DIP2A: variants seen among roughly 807,000 people sequenced by gnomAD.
DIP2A encodes the protein disco-interacting protein 2 homolog A.
Under a neutral mutation model 177.4 loss-of-function variants are expected in DIP2A, and 85 were observed. The ratio of observed to expected loss-of-function variants is 0.48; its 90% confidence interval spans 0.40 to 0.57. The LOEUF (loss-of-function observed/expected upper bound fraction) is 0.57. DIP2A is among the 20% of genes least tolerant of loss of function. The pLI is 0.00. For synonymous variants in DIP2A, 886 were observed against 881.8 expected (o/e 1.00, Z -0.08); for missense variants, 1,791 against 2,100.2 (o/e 0.85, Z 2.88).
chr21:46,513,400 T>A (rs766322833), intron 8 of DIP2A, among the ~76,000 whole-genome samples: 10 of 152,062 alleles, frequency 6.6e-5, no homozygotes, highest in Non-Finnish European at 1.3e-4. Context: ...TGTTATATAG[T>A]GGGTGAAAAA....
chr21:46,519,855 A>ATTT lies in DIP2A; in HGVS notation c.1102+8276_1102+8278dup, dbSNP rs59574579. 3.8e-3 allele frequency among the ~76,000 whole-genome samples: 201 copies of ATTT among 53,018 alleles called. 66 individuals are homozygous for ATTT. Among genetic ancestry groups the ATTT allele is most frequent in the African/African-American group, 7.4e-3 (85 of 11,478 alleles). 34.8% of individuals were successfully genotyped at this position (53,018 alleles called of 152,430 possible). On this transcript the variant is annotated intron_variant, in intron 8 of 37. Transcript: ENST00000417564. ...GCCCAGAATTAGAATATTGATCTAG[A>ATTT]TTTTTTTTTTTTTTTTTTTTTTTTT...
chr21:46,475,203 A>G (rs952058269), intron 1 of DIP2A, among the ~76,000 whole-genome samples: 1 of 152,262 alleles, frequency 6.6e-6, no homozygotes, highest in African/African-American at 2.4e-5. Flanking sequence ...TAAGTTTTCT[A>G]ATCATGAATG....
rs781640934 is a variant in DIP2A, at chr21:46,558,336, G to A, written c.3912G>A (p.Pro1304=). The A allele has an allele frequency of 2.2e-5, 36 of 1,607,302 alleles. No individual in the cohort carries two copies. The highest frequency in any genetic ancestry group is 1.1e-4 in the East Asian group (5 of 44,584). ...AGCTCTTCAAGGACCTGGGCCTGCC[G>A]GCCCGCGCCGTAAGCACCACGTTCG... The part of the protein sequence containing the change: ...FSKLFKDLGL[P]ARAVSTTFGC... The change falls in exon 32 of 38, where the codon CCG becomes CCA. Residue 1304 remains proline, a synonymous_variant. Transcript: ENST00000417564.
chr21:46,534,546 G>T, intron 12 of DIP2A, 39 bp from the exon 13 acceptor site: 1 of 1,584,784 alleles, frequency 6.3e-7, no homozygotes, highest in South Asian at 1.1e-5. Flanking sequence ...GTCACCTCTA[G>T]AAATACCACA....
chr21:46,567,143 G>A (rs1418696733), intron 37 of DIP2A, among the ~76,000 whole-genome samples: 1 of 152,304 alleles, frequency 6.6e-6, no homozygotes, highest in South Asian at 2.1e-4. Context: ...GTTGGGACAG[G>A]TACAGCTTTC....
chr21:46,565,951 C>CT, intron 36 of DIP2A, 64 bp downstream of exon 36: 1 of 1,573,292 alleles, frequency 6.4e-7, no homozygotes, highest in Admixed American at 1.7e-5. Context: ...TCCCCAAGAG[C>CT]TTAGTCACCT....
chr21:46,550,050 T>G (rs1275106877), intron 22 of DIP2A, 165 bp downstream of exon 22: 2 of 1,431,506 alleles, frequency 1.4e-6, no homozygotes, highest in Non-Finnish European at 1.8e-6. Flanking sequence ...CTGTATGTAT[T>G]TACGGGATAC....
chr21:46,525,164 G>A (rs1433385859), intron 8 of DIP2A, among the ~76,000 whole-genome samples: 1 of 145,720 alleles, frequency 6.9e-6, no homozygotes, highest in East Asian at 2.0e-4. Context: ...TGGGATTACA[G>A]TTGTGAGCCA....
At chr21:46,573,727 A>G (rs1211176393), downstream of DIP2A, among the ~76,000 whole-genome samples, 1 of 149,944 alleles carries the variant, frequency 6.7e-6, no homozygotes, top group Non-Finnish European at 1.5e-5. Flanking sequence ...AGAGGTAGCT[A>G]TAATAATATA....
chr21:46,566,741 T>C (rs2060850376), intron 37 of DIP2A, 58 bp downstream of exon 37: 7 of 1,605,988 alleles, frequency 4.4e-6, no homozygotes, highest in African/African-American at 1.3e-5. Flanking sequence ...CCTCTGGGCA[T>C]GAGTGCTGTG....
chr21:46,496,143 C>T (rs2057347239), intron 3 of DIP2A, among the ~76,000 whole-genome samples: 1 of 151,922 alleles, frequency 6.6e-6, no homozygotes, highest in South Asian at 2.1e-4. Flanking sequence ...TCAAACGATC[C>T]TCCTGCCTCA....
At chr21:46,514,815 A>G (rs2058496962) in intron 8 of DIP2A, among the ~76,000 whole-genome samples, 2 of 151,096 alleles carry the variant, frequency 1.3e-5, no homozygotes, top group South Asian at 2.1e-4. Flanking sequence ...CAGATTAAGA[A>G]CGTTCCCTTC....
At chr21:46,517,348 G>T (rs1326117522) in intron 8 of DIP2A, among the ~76,000 whole-genome samples, 2 of 152,064 alleles carry the variant, frequency 1.3e-5, no homozygotes, top group Non-Finnish European at 2.9e-5. Flanking sequence ...CAAAGTGCTG[G>T]ATTACAGGCG....
At chr21:46,545,501 C>G (rs760219053) in intron 19 of DIP2A, among the ~76,000 whole-genome samples, 1 of 152,190 alleles carries the variant, frequency 6.6e-6, no homozygotes, top group South Asian at 2.1e-4. Context: ...TGGGAGTCAG[C>G]GTGCTTCCCA....
At chr21:46,546,225 G>A (rs910046912) in intron 20 of DIP2A, 100 of 1,286,346 alleles carry the variant, frequency 7.8e-5, no homozygotes, top group Non-Finnish European at 9.9e-5. Context: ...ATATGGAGTG[G>A]CAGGTTTGTG....
Position 46,551,865 on chromosome 21 carries a change from C to G in DIP2A, c.2991C>G (p.Thr997=), listed in dbSNP as rs528133312. The change falls in exon 25 of 38, where the codon ACC becomes ACG. Residue 997 remains threonine (T), a synonymous_variant. Coordinates refer to ENST00000417564, the MANE Select transcript of DIP2A (RefSeq NM_015151.4). ...LADVLQWRAH[T]TPDHPLFLLL... is the part of the protein sequence containing the mutation. ...ACGTGCTGCAGTGGCGTGCCCACAC[C>G]ACTCCTGACCACCCGCTGTTCTTGC... 1.2e-6 allele frequency: 2 copies of G among 1,610,934 alleles called. No individual in the cohort carries two copies. The highest frequency in any genetic ancestry group is 4.5e-5 in the East Asian group (2 of 44,742).
chr21:46,549,391 G>T (rs149429047), intron 21 of DIP2A, among the ~76,000 whole-genome samples: 1 of 152,118 alleles, frequency 6.6e-6, no homozygotes, highest in African/African-American at 2.4e-5. Context: ...CACTATAAAT[G>T]TCAATAGACT....
At chr21:46,577,562 C>T in the DIP2A span, among the ~76,000 whole-genome samples, 1 of 152,188 alleles carries the variant, frequency 6.6e-6, no homozygotes, top group South Asian at 2.1e-4. Context: ...AGTCCAATAG[C>T]ATGATGCCTC....
intron 35 of DIP2A, among the ~76,000 whole-genome samples, chr21:46,564,562 T>C (rs2060774420): frequency 6.6e-6 from 1 of 152,244 alleles, no homozygotes. Flanking sequence ...ATGTGCAGAT[T>C]GATCTGTTGT....
Sources: gnomAD v4.1 joint callset for allele counts (sites outside exome capture counted in the v4.1 genomes callset) on GRCh38, gnomAD v4.1.1 for gene constraint, MANE v1.5 for transcripts, NCBI Gene and HGNC (gene_info 2026-07-23, HGNC 2026-07-21) for gene names.